The following STAP1 variants were observed in gnomAD, a reference collection of about 807,000 sequenced individuals.
STAP1 encodes signal transducing adaptor family member 1, also known as signal-transducing adaptor protein 1.
In STAP1, 30 loss-of-function variants were observed where a neutral mutation model predicts 37.8. The ratio of observed to expected loss-of-function variants is 0.79; its 90% CI spans 0.59 to 1.08. STAP1 has a LOEUF of 1.08. STAP1 is among the 50% of genes least tolerant of loss of function. STAP1 has a pLI of 0.00. For missense variants in STAP1, 357 were observed against 349.4 expected, an observed-to-expected ratio of 1.02 and a Z score of -0.17; for synonymous variants, 130 against 116.0, an observed-to-expected ratio of 1.12 and a Z score of -0.78.
In STAP1 at chr4:67,583,711, A is replaced by AT. The variant is rs768861694; in HGVS notation, c.659+17dup. ...ATTCGGCAGGAGATAGAGTATGTTTATTTTTTTTAAATGTATGGAATTTTT... is the reference window on the plus strand; with the variant it reads ...ATTCGGCAGGAGATAGAGTATGTTTATTTTTTTTTAAATGTATGGAATTTTT... On this transcript the variant is annotated intron_variant, in intron 6 of 8. Coordinates refer to ENST00000265404, the MANE Select transcript of STAP1 (RefSeq NM_012108.4). The AT allele has an allele frequency of 8.1e-6, 13 of 1,605,658 alleles. No homozygotes were observed. Among genetic ancestry groups the AT allele is most frequent in the African/African-American group, 2.7e-5 (2 of 74,254 alleles).
In STAP1 at chr4:67,558,874, C is replaced by A; in HGVS notation, c.65C>A (p.Thr22Asn). The change falls in exon 1 of 9, where the codon ACT (threonine) becomes AAT (asparagine). Residue 22 changes from threonine to asparagine, a missense_variant. By Grantham distance (65) the Thr-to-Asn change is moderately conservative. Coordinates refer to ENST00000265404, the MANE Select transcript of STAP1 (RefSeq NM_012108.4). The part of the protein sequence containing the change: ...RRIFQERLKI[T>N]ALPLYFEGFL... ...ATCTTCCAGGAAAGGTTAAAGATTACTGCTCTACCTTTGTACTTTGAAGGT... is the reference window on the plus strand; with the variant it reads ...ATCTTCCAGGAAAGGTTAAAGATTAATGCTCTACCTTTGTACTTTGAAGGT... 4 of 1,613,852 alleles carry A rather than the reference C, an allele frequency of 2.5e-6. No individual in the cohort carries two copies. Among genetic ancestry groups the A allele is most frequent in the Non-Finnish European group, 2.5e-6 (3 of 1,179,810 alleles).
intron 8 of STAP1, among the ~76,000 whole-genome samples, chr4:67,604,303 C>G (rs1350835741): frequency 6.6e-6 from 1 of 152,224 alleles, no homozygotes; most frequent in Non-Finnish European, 1.5e-5. Flanking sequence ...TTCAGTGTCT[C>G]TTTCCTTGCT....
intron 3 of STAP1, 35 bp from the exon 4 acceptor site, chr4:67,577,168 T>A (rs756820648): frequency 6.4e-7 from 1 of 1,572,796 alleles, no homozygotes; most frequent in South Asian, 1.2e-5. Context: ...TGTATTTCCT[T>A]CTTTGGCTTT....
rs1038024759 is a variant in STAP1, at chr4:67,567,948, A to G, written c.121-3136A>G. The stretch of plus-strand genomic sequence containing the variant: ...AGAAATCATTTGCTTATTTTAGTCC[A>G]CTAAGTTATAGGGTGACTTGTTACA... On this transcript the variant is annotated intron_variant, in intron 1 of 8. Coordinates refer to ENST00000265404, the MANE Select transcript of STAP1 (RefSeq NM_012108.4). 2.6e-5 allele frequency among the ~76,000 whole-genome samples: 4 copies of G among 152,232 alleles called. No homozygotes were observed. The East Asian group carries it at 5.8e-4, about 22-fold the overall frequency.
chr4:67,571,434 G>A (rs1336447699), intron 2 of STAP1, among the ~76,000 whole-genome samples: 1 of 152,030 alleles, frequency 6.6e-6, no homozygotes, highest in Non-Finnish European at 1.5e-5. Context: ...GAAAATTTTT[G>A]ACAAGACATC....
chr4:67,587,502 A>G (rs1728010151), intron 6 of STAP1, among the ~76,000 whole-genome samples: 1 of 152,206 alleles, frequency 6.6e-6, no homozygotes, highest in Admixed American at 6.5e-5. Flanking sequence ...CATAAGACAT[A>G]AAGCTGTTCT....
chr4:67,585,905 A>G (rs997949916), intron 6 of STAP1, among the ~76,000 whole-genome samples: 5 of 152,232 alleles, frequency 3.3e-5, no homozygotes, highest in African/African-American at 9.6e-5. Context: ...AAACTACAGC[A>G]TATCCTTAAC....
rs527439372 is a variant in STAP1, at chr4:67,565,290, T to G, written c.121-5794T>G. 2.8e-3 allele frequency among the ~76,000 whole-genome samples: 430 copies of G among 152,368 alleles called. 3 individuals are homozygous for G. Among genetic ancestry groups the G allele is most frequent in the African/African-American group, 9.9e-3 (412 of 41,592 alleles). ...AGTGCTAGTATATATTAGCAACTTC[T>G]CAAGCCAGATTTCTAAATGGATTTT... On this transcript the variant is annotated intron_variant, in intron 1 of 8. Transcript: ENST00000265404.
At chr4:67,575,848 A>C (rs1324756824) in intron 3 of STAP1, among the ~76,000 whole-genome samples, 1 of 152,186 alleles carries the variant, frequency 6.6e-6, no homozygotes, top group Non-Finnish European at 1.5e-5. Context: ...GTATTAAATA[A>C]GATATACTCG....
intron 8 of STAP1, among the ~76,000 whole-genome samples, chr4:67,604,348 G>T (rs555110394): frequency 3.3e-5 from 5 of 152,218 alleles, no homozygotes; most frequent in Admixed American, 1.3e-4. Context: ...ATTGCTCACC[G>T]GATTTTTGGT....
intron 8 of STAP1, among the ~76,000 whole-genome samples, chr4:67,599,850 C>G (rs973560519): frequency 6.6e-6 from 1 of 152,056 alleles, no homozygotes; most frequent in Non-Finnish European, 1.5e-5. Flanking sequence ...CCATGTTGGC[C>G]AGGCTGGTCT....
In STAP1 at chr4:67,558,748, A is replaced by C. The variant is rs2109849592; in HGVS notation, c.-62A>C. The C allele has an allele frequency of 6.4e-7, 1 of 1,570,796 alleles. No individual in the cohort carries two copies. Among genetic ancestry groups the C allele is most frequent in the East Asian group, 2.3e-5 (1 of 44,210 alleles). Reference sequence around the variant, plus strand: ...CTTTGAACAGTTGCCTTTTCCTCTCACAGAAGGAAGATTTCATTTTGTTTG... The same window carrying C: ...CTTTGAACAGTTGCCTTTTCCTCTCCCAGAAGGAAGATTTCATTTTGTTTG... On this transcript the variant is annotated 5_prime_UTR_variant, in exon 1 of 9. Coordinates refer to ENST00000265404, the MANE Select transcript of STAP1 (RefSeq NM_012108.4).
At chr4:67,591,598 G>C (rs189397359) in intron 7 of STAP1, among the ~76,000 whole-genome samples, 1 of 152,148 alleles carries the variant, frequency 6.6e-6, no homozygotes. Flanking sequence ...GTGATTTTAG[G>C]CTGCAGTAGT....
intron 8 of STAP1, among the ~76,000 whole-genome samples, chr4:67,595,644 C>T (rs1728208194): frequency 6.6e-6 from 1 of 152,210 alleles, no homozygotes; most frequent in Non-Finnish European, 1.5e-5. Context: ...TATGTTCCTA[C>T]CCTTTTGCCA....
At chr4:67,560,641 T>G (rs202222937) in intron 1 of STAP1, among the ~76,000 whole-genome samples, 78 of 114,160 alleles carry the variant, frequency 6.8e-4, no homozygotes, top group Non-Finnish European at 7.8e-4. Context: ...TTTGTGTGTG[T>G]GGGTGTGTGT....
intron 3 of STAP1, among the ~76,000 whole-genome samples, chr4:67,576,855 C>A (rs1727733277): frequency 6.6e-6 from 1 of 152,170 alleles, no homozygotes; most frequent in Non-Finnish European, 1.5e-5. Context: ...TTGGAAGTTT[C>A]TACTATCAAA....
At chr4:67,576,138 A>C (rs1727714716) in intron 3 of STAP1, among the ~76,000 whole-genome samples, 1 of 152,062 alleles carries the variant, frequency 6.6e-6, no homozygotes, top group African/African-American at 2.4e-5. Flanking sequence ...CTTCACCCGG[A>C]AGTAAGTCTC....
intron 5 of STAP1, 129 bp from the exon 6 acceptor site, chr4:67,583,444 AT>A (rs1313219084): frequency 1.1e-6 from 1 of 926,012 alleles, no homozygotes; most frequent in Non-Finnish European, 1.6e-6. Context: ...CATAATTGGA[AT>A]AATCAAACCG....
chr4:67,571,004 A>G (rs966250604), intron 1 of STAP1, 80 bp from the exon 2 acceptor site: 3 of 1,154,960 alleles, frequency 2.6e-6, no homozygotes, highest in Non-Finnish European at 3.8e-6. Context: ...AGCAATTAAG[A>G]AAGTTACAAA....
Sources: allele counts gnomAD v4.1 joint callset (sites outside exome capture counted in the v4.1 genomes callset), GRCh38; gene constraint gnomAD v4.1.1; transcripts MANE v1.5; gene names NCBI Gene and HGNC (gene_info 2026-07-23, HGNC 2026-07-21).